Variants in SCN2A observed in about 807,000 individuals in gnomAD.
SCN2A encodes sodium voltage-gated channel alpha subunit 2.
A neutral mutation model predicts 188.7 loss-of-function variants in SCN2A; 20 were observed. The observed-to-expected ratio is 0.11, with a 90% CI of 0.07 to 0.15. The LOEUF (loss-of-function observed/expected upper bound fraction) is 0.15, where lower values mean the gene tolerates loss of function less well. Ranked by LOEUF, SCN2A falls within the 10% of genes least tolerant of loss-of-function variation. The probability of loss-of-function intolerance (pLI) is 1.00; values close to 1 mark genes in which losing one functional copy is unlikely to be tolerated. For missense variants in SCN2A, 1,278 were observed against 2,445.0 expected (o/e 0.52, Z 10.07); for synonymous variants, 804 against 833.1 (o/e 0.97, Z 0.60).
At chr2:165,307,416 A>G (rs1697195344) in intron 3 of SCN2A, among the ~76,000 whole-genome samples, 1 of 152,100 alleles carries the variant, frequency 6.6e-6, no homozygotes, top group Non-Finnish European at 1.5e-5. Flanking sequence ...TTATTATAAG[A>G]CATTCCACCA....
intron 25 of SCN2A, among the ~76,000 whole-genome samples, chr2:165,386,450 C>T (rs956549583): frequency 2.0e-5 from 3 of 151,466 alleles, no homozygotes; most frequent in South Asian, 2.1e-4. Context: ...TGCAACAGAG[C>T]GAGACTCCAT....
At chr2:165,275,696 G>C (rs1197759577) in intron 1 of SCN2A, among the ~76,000 whole-genome samples, 1 of 152,088 alleles carries the variant, frequency 6.6e-6, no homozygotes, top group East Asian at 1.9e-4. Context: ...AAGAGCATTA[G>C]TAGTATCTGT....
intron 1 of SCN2A, among the ~76,000 whole-genome samples, chr2:165,242,164 A>T (rs1693652959): frequency 6.6e-6 from 1 of 152,154 alleles, no homozygotes; most frequent in African/African-American, 2.4e-5. Flanking sequence ...AACATGTTAT[A>T]TCCATGTATC....
At chr2:165,322,933 T>C (rs1698148905) in intron 11 of SCN2A, among the ~76,000 whole-genome samples, 1 of 151,884 alleles carries the variant, frequency 6.6e-6, no homozygotes, top group Non-Finnish European at 1.5e-5. Flanking sequence ...AGATGGAAAA[T>C]GGAGGAAGGA....
intron 11 of SCN2A, among the ~76,000 whole-genome samples, chr2:165,319,932 A>C (rs1006086452): frequency 6.6e-6 from 1 of 152,176 alleles, no homozygotes; most frequent in African/African-American, 2.4e-5. Context: ...AAAATGAATC[A>C]TGCCTTCCCA....
At chr2:165,346,683 G>C (rs1009102863) in intron 16 of SCN2A, among the ~76,000 whole-genome samples, 8 of 152,274 alleles carry the variant, frequency 5.3e-5, no homozygotes, top group Admixed American at 1.3e-4. Flanking sequence ...TACAGAATGG[G>C]AGAAAATTTT....
intron 1 of SCN2A, chr2:165,268,172 C>T (rs1420515421): frequency 6.6e-6 from 1 of 151,930 alleles, no homozygotes; most frequent in Non-Finnish European, 1.5e-5. Context: ...AAGGAATCCA[C>T]CCTAAATCAT....
At chr2:165,270,178 C>A (rs1006067653) in intron 1 of SCN2A, 2 of 151,994 alleles carry the variant, frequency 1.3e-5, no homozygotes, top group African/African-American at 2.4e-5. Flanking sequence ...AAGCAAGTTT[C>A]TTTTCACATT....
At chr2:165,380,568 GT>G (rs780239735) in intron 23 of SCN2A, 23 bp from the exon 24 acceptor site, 37 of 1,535,952 alleles carry the variant, frequency 2.4e-5, no homozygotes, top group Non-Finnish European at 3.2e-5. Context: ...AGATATAATG[GT>G]TACAATTCTT....
chr2:165,297,247 C>A, intron 3 of SCN2A, 112 bp downstream of exon 3: 1 of 693,418 alleles, frequency 1.4e-6, no homozygotes, highest in Non-Finnish European at 2.6e-6. Flanking sequence ...CTTTCTTTTT[C>A]TTTCCTTTTA....
At chr2:165,286,213 TGAGTTTGAGTTGG>T (rs1260891902) in intron 1 of SCN2A, among the ~76,000 whole-genome samples, 1 of 152,130 alleles carries the variant, frequency 6.6e-6, no homozygotes, top group Middle Eastern at 3.2e-3. Flanking sequence ...CCTTTTTTGG[TGAGTTTGAGTTGG>T]GAGTTTTACT....
intron 16 of SCN2A, among the ~76,000 whole-genome samples, chr2:165,347,750 T>C (rs1369392899): frequency 6.6e-6 from 1 of 152,162 alleles, no homozygotes; most frequent in African/African-American, 2.4e-5. Context: ...TCCAAAAATA[T>C]GAAAACAAAG....
At chr2:165,308,626 C>T in intron 4 of SCN2A, 40 bp from the exon 5 acceptor site, 1 of 1,599,270 alleles carries the variant, frequency 6.3e-7, no homozygotes, top group Non-Finnish European at 8.6e-7. Flanking sequence ...TGTAAATTAA[C>T]CACTAGATTT....
intron 1 of SCN2A, among the ~76,000 whole-genome samples, chr2:165,258,851 C>G (rs928143480): frequency 6.6e-6 from 1 of 152,190 alleles, no homozygotes; most frequent in Non-Finnish European, 1.5e-5. Context: ...CCCAATACCA[C>G]ATGTTCTAAC....
intron 15 of SCN2A, among the ~76,000 whole-genome samples, chr2:165,344,036 A>C (rs1385936096): frequency 6.6e-6 from 1 of 152,166 alleles, no homozygotes; most frequent in Non-Finnish European, 1.5e-5. Context: ...TGGCCTTTTA[A>C]AAATAATGAG....
chr2:165,386,535 C>T (rs1335163426), intron 25 of SCN2A, among the ~76,000 whole-genome samples: 2 of 151,926 alleles, frequency 1.3e-5, no homozygotes, highest in African/African-American at 2.4e-5. Flanking sequence ...TCCCTATTTA[C>T]ACTACTTACC....
chr2:165,282,739 G>A (rs1240500920), intron 1 of SCN2A, among the ~76,000 whole-genome samples: 2 of 152,102 alleles, frequency 1.3e-5, no homozygotes, highest in Admixed American at 1.3e-4. Context: ...TATCAGTTTT[G>A]CACTGTACTT....
chr2:165,389,873 G>A lies in SCN2A; in HGVS notation c.*49G>A. On this transcript the variant is annotated 3_prime_UTR_variant, in exon 27 of 27. Transcript: ENST00000375437. The surrounding 1 kb of genome is among the most constrained non-coding windows in gnomAD (Gnocchi z 4.2). Reference sequence around the variant, plus strand: ...TTGTGATCAATTGTTTACAGCCCGTGATGGTGATGTGTTTGTGTCAACAGG... The same window carrying A: ...TTGTGATCAATTGTTTACAGCCCGTAATGGTGATGTGTTTGTGTCAACAGG... 1 of 1,547,324 alleles carries A rather than the reference G, an allele frequency of 6.5e-7. No homozygotes were observed.
Position 165,388,957 on chromosome 2 carries a change from T to G in SCN2A, c.5151T>G (p.Asp1717Glu), listed in dbSNP as rs2105402610. The change falls in exon 27 of 27, where the codon GAT (aspartate) becomes GAG (glutamate). Residue 1717 changes from aspartate to glutamate, a missense_variant. Around this residue, in one of 17 missense-constraint regions of SCN2A, gnomAD observed 47 missense variants for 109.0 expected, o/e 0.43. Transcript: ENST00000375437. ...AAATTACAACCTCTGCTGGCTGGGA[T>G]GGATTGCTAGCACCTATTCTTAATA... ...LFQITTSAGW[D>E]GLLAPILNSG... The G allele has an allele frequency of 6.2e-7, 1 of 1,614,128 alleles. No homozygotes were observed. The highest frequency in any genetic ancestry group is 8.5e-7 in the Non-Finnish European group (1 of 1,180,002).
Sources: allele counts gnomAD v4.1 joint callset (sites outside exome capture counted in the v4.1 genomes callset), GRCh38; gene constraint gnomAD v4.1.1; regional missense constraint gnomAD v4.1.1; non-coding constraint Gnocchi (gnomAD v3.1); transcripts MANE v1.5; gene names NCBI Gene and HGNC (gene_info 2026-07-23, HGNC 2026-07-21).